Variants in HOTAIR observed in about 807,000 individuals in gnomAD.
The protein encoded by HOTAIR is HOX transcript antisense RNA, also known as HOX transcript antisense RNA (non-protein coding).
chr12:53,973,581 C>T lies in HOTAIR; in HGVS notation n.59+1317G>A, dbSNP rs2136375646. The T allele has an allele frequency of 6.2e-7, 1 of 1,613,456 alleles. No homozygotes were observed. The highest frequency in any genetic ancestry group is 2.2e-5 in the East Asian group (1 of 44,868). ...GCCTCCTTCCACCGTCACCGAGATC[C>T]TCATGAAAAACGAAGGCTCCTACGG... is the stretch of plus-strand genomic sequence containing the variant. On this transcript the variant is annotated intron_variant and non_coding_transcript_variant, in intron 1 of 6. Transcript: ENST00000424518. This position sits in a 1 kb window ranked among gnomAD's most constrained non-coding sequence, Gnocchi z 4.3.
chr12:53,962,582 T>C (rs912930772), exon 7 of HOTAIR: 1 of 152,196 alleles, frequency 6.6e-6, no homozygotes, highest in African/African-American at 2.4e-5. Flanking sequence ...ATACTGTGTG[T>C]GTACTAAATA....
chr12:53,973,311 G>C lies in HOTAIR; in HGVS notation n.59+1587C>G. 6.2e-7 allele frequency: 1 copy of C among 1,613,978 alleles called. No homozygotes were observed. The highest frequency in any genetic ancestry group is 8.5e-7 in the Non-Finnish European group (1 of 1,180,008). On this transcript the variant is annotated intron_variant and non_coding_transcript_variant, in intron 1 of 6. Transcript: ENST00000424518. The surrounding 1 kb of genome is among the most constrained non-coding windows in gnomAD (Gnocchi z 4.3). The stretch of plus-strand genomic sequence containing the variant: ...CAAGGAGAGGGGCGCAGATTTCGGC[G>C]AGCGAGGGAGCTGCGCCTCCAACCT...
chr12:53,971,108 A>G (rs1259713321), intron 1 of HOTAIR, among the ~76,000 whole-genome samples: 1 of 152,178 alleles, frequency 6.6e-6, no homozygotes, highest in Non-Finnish European at 1.5e-5. Context: ...CCCCACCACT[A>G]TAATTAAAAA....
At chr12:53,974,381 G>C (rs1939210292) in intron 1 of HOTAIR, among the ~76,000 whole-genome samples, 1 of 151,958 alleles carries the variant, frequency 6.6e-6, no homozygotes, top group South Asian at 2.1e-4. Flanking sequence ...GAGAGGGGGA[G>C]AGGTGGGGGA....
chr12:53,974,015 C>T, intron 1 of HOTAIR: 1 of 1,139,250 alleles, frequency 8.8e-7, no homozygotes, highest in Non-Finnish European at 1.2e-6. Flanking sequence ...GGAGCGGGGA[C>T]GGCCTCGTGT....
chr12:53,970,633 C>T (rs981568015), intron 1 of HOTAIR, among the ~76,000 whole-genome samples: 4 of 152,154 alleles, frequency 2.6e-5, no homozygotes, highest in Non-Finnish European at 5.9e-5. Flanking sequence ...GTTGGGAGAC[C>T]CCAGCGTTTC....
At position 53,973,133 on chromosome 12, in the gene HOTAIR, G is replaced by C; in HGVS notation, n.59+1765C>G. On this transcript the variant is annotated intron_variant and non_coding_transcript_variant, in intron 1 of 6. Coordinates refer to ENST00000424518, the Ensembl canonical transcript of HOTAIR. The surrounding 1 kb of genome is among the most constrained non-coding windows in gnomAD (Gnocchi z 4.3). Reference sequence around the variant, plus strand: ...ATATCTACTTTGGATCACGTGCTCAGAGAGAGAGAGACTAAGACGGATAAC... The same window carrying C: ...ATATCTACTTTGGATCACGTGCTCACAGAGAGAGAGACTAAGACGGATAAC... 2 of 731,096 alleles carry C rather than the reference G, an allele frequency of 2.7e-6. No homozygotes were observed. The highest frequency in any genetic ancestry group is 3.0e-5 in the Admixed American group (1 of 33,408). 45.3% of individuals were successfully genotyped at this position (731,096 alleles called of 1,614,324 possible).
exon 7 of HOTAIR, chr12:53,962,377 G>A (rs1281182840): frequency 1.3e-5 from 2 of 152,194 alleles, no homozygotes; most frequent in African/African-American, 4.8e-5. Context: ...CACAAGGAAT[G>A]TGCAGTCCTG....
intron 2 of HOTAIR, chr12:53,967,409 T>TA (rs749776562): frequency 2.6e-5 from 4 of 152,204 alleles, no homozygotes; most frequent in East Asian, 1.9e-4. Context: ...GTTTTCATCA[T>TA]AAAAAACAAA....
rs963496044 is a variant in HOTAIR at position 53,973,801 on chromosome 12, C to T, written n.59+1097G>A. On this transcript the variant is annotated intron_variant and non_coding_transcript_variant, in intron 1 of 6. Transcript: ENST00000424518. This position sits in a 1 kb window ranked among gnomAD's most constrained non-coding sequence, Gnocchi z 4.3. ...GGGGAGCCCGAGGCACCCCCGGCCT[C>T]GGGACTGGCGTCCCGGGCTGAGGCG... The T allele has an allele frequency of 5.7e-6, 9 of 1,576,420 alleles. No individual in the cohort carries two copies. The highest frequency in any genetic ancestry group is 7.7e-6 in the Non-Finnish European group (9 of 1,164,094).
Position 53,967,090 on chromosome 12 carries a change from G to T in HOTAIR, n.325+179C>A, listed in dbSNP as rs573087765. Among the ~76,000 whole-genome samples, 77 of 152,308 alleles carry T rather than the reference G, an allele frequency of 5.1e-4. 1 individual carries two copies. The highest frequency in any genetic ancestry group is 1.5e-3 in the South Asian group (7 of 4,822). On this transcript the variant is annotated intron_variant and non_coding_transcript_variant, in intron 3 of 6. Transcript: ENST00000424518. ...TCTGGGCTCATGGAGACATTTTAAGGCCTAATCATTGCTTTTTAAATTGAA... is the reference window on the plus strand; with the variant it reads ...TCTGGGCTCATGGAGACATTTTAAGTCCTAATCATTGCTTTTTAAATTGAA...
At position 53,973,740 on chromosome 12, in the gene HOTAIR, G is replaced by A. The variant is rs1394759722; in HGVS notation, n.59+1158C>T. 8 of 1,612,854 alleles carry A rather than the reference G, an allele frequency of 5.0e-6. No individual in the cohort carries two copies. Among genetic ancestry groups the A allele is most frequent in the Non-Finnish European group, 6.8e-6 (8 of 1,179,794 alleles). Reference sequence around the variant, plus strand: ...CTACTGCGGTGGCGGCGACCCGCCCGCCGAGCCCCCCTGCTCCGGCAAGGG... The same window carrying A: ...CTACTGCGGTGGCGGCGACCCGCCCACCGAGCCCCCCTGCTCCGGCAAGGG... On this transcript the variant is annotated intron_variant and non_coding_transcript_variant, in intron 1 of 6. Transcript: ENST00000424518. This position sits in a 1 kb window ranked among gnomAD's most constrained non-coding sequence, Gnocchi z 4.3.
At chr12:53,968,411 G>A (rs1439972992) in intron 2 of HOTAIR, 1 of 152,194 alleles carries the variant, frequency 6.6e-6, no homozygotes, top group African/African-American at 2.4e-5. Context: ...GACAATAGAT[G>A]GCTGTTTATG....
chr12:53,962,403 A>C (rs989039856), exon 7 of HOTAIR: 6 of 152,264 alleles, frequency 3.9e-5, no homozygotes, highest in African/African-American at 1.4e-4. Flanking sequence ...ATTTAGCTAC[A>C]TGTGAGTATA....
At chr12:53,966,825 C>A (rs1939062974) in intron 3 of HOTAIR, among the ~76,000 whole-genome samples, 1 of 17,766 alleles carries the variant, frequency 5.6e-5, no homozygotes, top group East Asian at 1.4e-3. Context: ...AGCGCCGCAG[C>A]CGGCCCGGCG....
Position 53,973,690 on chromosome 12 carries a change from C to T in HOTAIR, n.59+1208G>A. 1 of 1,613,722 alleles carries T rather than the reference C, an allele frequency of 6.2e-7. No individual in the cohort carries two copies. The highest frequency in any genetic ancestry group is 8.5e-7 in the Non-Finnish European group (1 of 1,180,046). On this transcript the variant is annotated intron_variant and non_coding_transcript_variant, in intron 1 of 6. Transcript: ENST00000424518. The surrounding 1 kb of genome is among the most constrained non-coding windows in gnomAD (Gnocchi z 4.3). ...AACAAGAACAGCGTCCTGCCTCAAG[C>T]CTTCGACCGTTTCTTCGACAACGCC...
At chr12:53,966,787 G>C (rs371533356) in intron 3 of HOTAIR, among the ~76,000 whole-genome samples, 32 of 150,658 alleles carry the variant, frequency 2.1e-4, no homozygotes, top group Admixed American at 1.0e-3. Flanking sequence ...AAGAATGGAG[G>C]GAGACAGGGA....
chr12:53,974,465 T>G (rs1939212701), intron 1 of HOTAIR, among the ~76,000 whole-genome samples: 1 of 151,942 alleles, frequency 6.6e-6, no homozygotes, highest in Non-Finnish European at 1.5e-5. Context: ...AAACTAGTTT[T>G]GAAAATGTTC....
In HOTAIR at chr12:53,973,706, C is replaced by T; in HGVS notation, n.59+1192G>A. On this transcript the variant is annotated intron_variant and non_coding_transcript_variant, in intron 1 of 6. Transcript: ENST00000424518. This position sits in a 1 kb window ranked among gnomAD's most constrained non-coding sequence, Gnocchi z 4.3. ...TGCCTCAAGCCTTCGACCGTTTCTT[C>T]GACAACGCCTACTGCGGTGGCGGCG... The T allele has an allele frequency of 6.2e-7, 1 of 1,613,616 alleles. No homozygotes were observed. The highest frequency in any genetic ancestry group is 8.5e-7 in the Non-Finnish European group (1 of 1,180,038).
Sources: gnomAD v4.1 joint callset for allele counts (sites outside exome capture counted in the v4.1 genomes callset) on GRCh38, gnomAD v4.1.1 for gene constraint, Gnocchi (gnomAD v3.1) non-coding constraint, MANE v1.5 for transcripts, NCBI Gene and HGNC (gene_info 2026-07-23, HGNC 2026-07-21) for gene names.